The following STK3 variants were observed in gnomAD, a reference collection of about 807,000 sequenced individuals.
STK3 encodes the protein serine/threonine kinase 3.
Under a neutral mutation model 58.0 loss-of-function variants are expected in STK3, and 41 were observed. That is an observed-to-expected ratio of 0.71 (90% CI 0.55 to 0.92). The LOEUF (loss-of-function observed/expected upper bound fraction) is 0.92. STK3 is among the 40% of genes least tolerant of loss of function. The pLI is 0.00. For synonymous variants in STK3, 170 were observed against 191.0 expected (o/e 0.89, Z 0.91); for missense variants, 479 against 602.7 (o/e 0.79, Z 2.15).
intron 3 of STK3, among the ~76,000 whole-genome samples, chr8:98,421,293 T>TGG (rs1818170686): frequency 6.6e-6 from 1 of 152,140 alleles, no homozygotes; most frequent in Non-Finnish European, 1.5e-5. Flanking sequence ...TCTGGGTCCC[T>TGG]GGGCCTCAAC....
rs190792307 is a variant in STK3, at chr8:98,840,520, A to G, written c.110+43127T>C. 9.1e-3 allele frequency among the ~76,000 whole-genome samples: 1,279 copies of G among 140,870 alleles called. 13 individuals carry two copies. Among genetic ancestry groups the G allele is most frequent in the African/African-American group, 0.032 (1,200 of 38,020 alleles). 92.4% of individuals were successfully genotyped at this position (140,870 alleles called of 152,430 possible). ...CCTGGAGGTGGAGGCTGCAGTGAGC[A>G]TGATCACACCACTGCACTCCAGCCT... On this transcript the variant is annotated intron_variant, in intron 3 of 12. Transcript: ENST00000523601.
At chr8:98,648,249 T>C (rs1433172205) in intron 6 of STK3, among the ~76,000 whole-genome samples, 1 of 152,222 alleles carries the variant, frequency 6.6e-6, no homozygotes, top group African/African-American at 2.4e-5. Flanking sequence ...TTTTCTCATC[T>C]CATAGCAAAC....
chr8:98,932,592 C>T (rs1368573322), intron 1 of STK3, among the ~76,000 whole-genome samples: 2 of 152,148 alleles, frequency 1.3e-5, no homozygotes, highest in African/African-American at 2.4e-5. Flanking sequence ...AATTATCTGG[C>T]AATAGAGGCA....
At chr8:98,769,390 T>C (rs1262720561) in intron 2 of STK3, among the ~76,000 whole-genome samples, 2 of 152,300 alleles carry the variant, frequency 1.3e-5, no homozygotes, top group South Asian at 4.1e-4. Context: ...CAAGATCTGA[T>C]GGTTTTAAAA....
At chr8:98,886,925 C>T (rs1319421873) in intron 1 of STK3, among the ~76,000 whole-genome samples, 1 of 151,980 alleles carries the variant, frequency 6.6e-6, no homozygotes, top group African/African-American at 2.4e-5. Flanking sequence ...TGGTGAAACC[C>T]CATCTCTACT....
chr8:98,589,586 C>T (rs903963289), intron 7 of STK3, among the ~76,000 whole-genome samples: 1 of 152,238 alleles, frequency 6.6e-6, no homozygotes, highest in South Asian at 2.1e-4. Flanking sequence ...GTGGAGCCTA[C>T]AGATGCAGGC....
chr8:98,825,483 TC>T, intron 1 of STK3, 31 bp downstream of exon 1: 7 of 1,432,026 alleles, frequency 4.9e-6, no homozygotes, highest in Non-Finnish European at 6.4e-6. Context: ...CGGCGCCGCT[TC>T]CCTCCTTCTT....
At chr8:98,752,589 A>T (rs1251883926) in intron 3 of STK3, among the ~76,000 whole-genome samples, 1 of 152,168 alleles carries the variant, frequency 6.6e-6, no homozygotes, top group African/African-American at 2.4e-5. Flanking sequence ...AAAAGCAAAA[A>T]TTGGCAAATG....
chr8:98,692,631 T>C (rs1266713441), intron 6 of STK3, among the ~76,000 whole-genome samples: 1 of 152,158 alleles, frequency 6.6e-6, no homozygotes, highest in Non-Finnish European at 1.5e-5. Context: ...AAAAAATTTC[T>C]AGAAATAGTG....
intron 4 of STK3, among the ~76,000 whole-genome samples, chr8:98,710,947 G>A (rs1190884658): frequency 6.6e-6 from 1 of 152,150 alleles, no homozygotes; most frequent in African/African-American, 2.4e-5. Context: ...AAAACTTCCA[G>A]AGGAACGATC....
chr8:98,821,402 G>T (rs2131733162), intron 1 of STK3, among the ~76,000 whole-genome samples: 1 of 152,020 alleles, frequency 6.6e-6, no homozygotes, highest in South Asian at 2.1e-4. Flanking sequence ...AATGGTTGGG[G>T]ATCTATGATT....
chr8:98,790,026 C>T (rs1354594272), intron 1 of STK3, among the ~76,000 whole-genome samples: 2 of 73,336 alleles, frequency 2.7e-5, no homozygotes, highest in East Asian at 3.5e-4. Context: ...GAGACTTCAT[C>T]TCAAAAAAAA....
rs552761087 is a variant in STK3 at position 98,526,838 on chromosome 8, G to A, written c.1221C>T (p.His407=). The change falls in exon 10 of 11, where the codon CAC becomes CAT. Residue 407 remains histidine, a synonymous_variant. Coordinates refer to ENST00000419617, the MANE Select transcript of STK3 (RefSeq NM_006281.4). ...FDKQDFKNKS[H]ENCNQNMHEP... ...CATGCATGTTCTGATTACAGTTTTCGTGACTCTTATTCTTGAAGTCTTGCT... is the reference window on the plus strand; with the variant it reads ...CATGCATGTTCTGATTACAGTTTTCATGACTCTTATTCTTGAAGTCTTGCT... 40 of 1,600,676 alleles carry A rather than the reference G, an allele frequency of 2.5e-5. No homozygotes were observed. Among genetic ancestry groups the A allele is most frequent in the Middle Eastern group, 1.7e-4 (1 of 5,994 alleles).
chr8:98,443,305 A>G (rs1324121503), intron 1 of STK3, among the ~76,000 whole-genome samples: 1 of 152,248 alleles, frequency 6.6e-6, no homozygotes, highest in African/African-American at 2.4e-5. Context: ...CCAAGCTTTC[A>G]GGGTATTGGC....
At chr8:98,583,843 GTA>G (rs1439671566) in intron 7 of STK3, among the ~76,000 whole-genome samples, 109 of 147,780 alleles carry the variant, frequency 7.4e-4, no homozygotes, top group Non-Finnish European at 1.3e-3. Context: ...GAGAGAGAGT[GTA>G]TGTGTGTGTG....
intron 6 of STK3, among the ~76,000 whole-genome samples, chr8:98,701,255 A>G (rs1054377836): frequency 2.7e-5 from 4 of 148,028 alleles, no homozygotes; most frequent in Admixed American, 1.4e-4. Context: ...GAAAGAGGGA[A>G]GGAAGGACGG....
chr8:98,738,737 C>A (rs1046602136), intron 4 of STK3, among the ~76,000 whole-genome samples: 2 of 152,150 alleles, frequency 1.3e-5, no homozygotes, highest in Admixed American at 1.3e-4. Context: ...AGACAGTGGG[C>A]GCAGGACAGT....
At chr8:98,777,775 G>C (rs1453510172) in intron 1 of STK3, among the ~76,000 whole-genome samples, 2 of 152,156 alleles carry the variant, frequency 1.3e-5, no homozygotes, top group Non-Finnish European at 2.9e-5. Flanking sequence ...CCAAGCAATG[G>C]GGAAAGGATT....
intron 4 of STK3, among the ~76,000 whole-genome samples, chr8:98,741,908 G>A (rs1245702474): frequency 7.0e-4 from 106 of 152,154 alleles, no homozygotes; most frequent in Non-Finnish European, 1.1e-3. Context: ...TATCACGACC[G>A]ATCCCACAGA....
Sources: gnomAD v4.1 joint callset for allele counts (sites outside exome capture counted in the v4.1 genomes callset) on GRCh38, gnomAD v4.1.1 for gene constraint, MANE v1.5 for transcripts, NCBI Gene and HGNC (gene_info 2026-07-23, HGNC 2026-07-21) for gene names.